PTK2: variants seen among roughly 807,000 people sequenced by gnomAD.
The protein encoded by PTK2 is focal adhesion kinase 1.
In PTK2, 45 loss-of-function variants were observed where a neutral mutation model predicts 150.1. The ratio of observed to expected loss-of-function variants is 0.30; its 90% CI spans 0.24 to 0.38. The LOEUF (loss-of-function observed/expected upper bound fraction) is 0.38, where lower values mean the gene tolerates loss of function less well. Ranked by LOEUF, PTK2 falls within the 10% of genes least tolerant of loss-of-function variation. The pLI, the probability that PTK2 is intolerant of heterozygous loss-of-function variation, is 1.00. For missense variants in PTK2, 919 were observed against 1,307.3 expected (o/e 0.70, Z 4.58); for synonymous variants, 432 against 449.2 (o/e 0.96, Z 0.48).
At position 140,791,525 on chromosome 8, in the gene PTK2, A is replaced by G. The variant is rs553719226; in HGVS notation, c.1124+1829T>C. 6.6e-5 allele frequency among the ~76,000 whole-genome samples: 10 copies of G among 152,342 alleles called. No homozygotes were observed. The South Asian group carries it at 1.2e-3, about 19-fold the overall frequency. ...CAGACCTTGCCTGTGTGAGGCCCAC[A>G]GTACTGCATATGACCCTGGCTGTCA... On this transcript the variant is annotated intron_variant, in intron 13 of 31. Transcript: ENST00000522684.
chr8:140,920,124 T>C (rs1377062697), intron 2 of PTK2, among the ~76,000 whole-genome samples: 1 of 151,170 alleles, frequency 6.6e-6, no homozygotes, highest in Non-Finnish European at 1.5e-5. Flanking sequence ...TTTATTATAT[T>C]CTTCATTAAG....
chr8:140,889,988 C>T (rs912533848), intron 3 of PTK2, among the ~76,000 whole-genome samples: 8 of 152,170 alleles, frequency 5.3e-5, no homozygotes, highest in African/African-American at 1.9e-4. Flanking sequence ...ACAACAACCT[C>T]CCGTGAAGCA....
chr8:140,735,265 A>G (rs962817738), exon 22 of PTK2: 14 of 1,613,846 alleles, frequency 8.7e-6, no homozygotes, highest in Admixed American at 5.0e-5. Context: ...GCTGAGCTTT[A>G]AGTTCAGTAA....
intron 8 of PTK2, among the ~76,000 whole-genome samples, chr8:140,828,863 G>A (rs1020570819): frequency 1.3e-5 from 2 of 152,064 alleles, no homozygotes; most frequent in Non-Finnish European, 2.9e-5. Context: ...TAACTCTCTC[G>A]AAGGACACAA....
rs545822511 is a variant in PTK2 at position 140,850,440 on chromosome 8, G to A, written c.451-3762C>T. Among the ~76,000 whole-genome samples, 40 of 144,494 alleles carry A rather than the reference G, an allele frequency of 2.8e-4. No individual in the cohort carries two copies. The South Asian group carries it at 8.5e-3, about 31-fold the overall frequency. 94.8% of individuals were successfully genotyped at this position (144,494 alleles called of 152,430 possible). Reference sequence around the variant, plus strand: ...AGACTTCGTCTCAAAAAAAAACTACGACGGGCCAGGCGCGGTGGCTTATGT... The same window carrying A: ...AGACTTCGTCTCAAAAAAAAACTACAACGGGCCAGGCGCGGTGGCTTATGT... On this transcript the variant is annotated intron_variant, in intron 5 of 31. Coordinates refer to ENST00000522684, the Ensembl canonical transcript of PTK2.
chr8:140,831,153 CAA>C (rs1316389262), intron 7 of PTK2, among the ~76,000 whole-genome samples: 4 of 152,126 alleles, frequency 2.6e-5, no homozygotes, highest in Non-Finnish European at 5.9e-5. Context: ...AGTCAGGCAA[CAA>C]AATTAAATTG....
chr8:140,769,170 T>C (rs1184815369), intron 14 of PTK2, among the ~76,000 whole-genome samples: 1 of 152,220 alleles, frequency 6.6e-6, no homozygotes, highest in African/African-American at 2.4e-5. Context: ...TAAAATCATT[T>C]TTCATTCTTT....
At chr8:140,789,703 A>T (rs1435675958) in intron 13 of PTK2, among the ~76,000 whole-genome samples, 177 bp from the exon 14 acceptor site, 1 of 152,246 alleles carries the variant, frequency 6.6e-6, no homozygotes. Flanking sequence ...TTTAAAGATC[A>T]CAAATTAAAA....
At position 140,875,465 on chromosome 8, in the gene PTK2, C is replaced by T. The variant is rs892823870; in HGVS notation, c.362+4006G>A. 4.6e-5 allele frequency among the ~76,000 whole-genome samples: 7 copies of T among 152,110 alleles called. No homozygotes were observed. The South Asian group carries it at 8.3e-4, about 18-fold the overall frequency. On this transcript the variant is annotated intron_variant, in intron 4 of 31. Coordinates refer to ENST00000522684, the Ensembl canonical transcript of PTK2. Reference sequence around the variant, plus strand: ...ACTGAAATCAAAAGGACTGATGTCACCAGAGTGGAGGAGGAAGAGGAAGAG... The same window carrying T: ...ACTGAAATCAAAAGGACTGATGTCATCAGAGTGGAGGAGGAAGAGGAAGAG...
intron 1 of PTK2, among the ~76,000 whole-genome samples, chr8:140,966,797 A>C (rs750929071): frequency 6.6e-5 from 10 of 152,230 alleles, no homozygotes; most frequent in Non-Finnish European, 1.5e-5. Flanking sequence ...GTGTATTTTA[A>C]GATAGGTATA....
chr8:140,966,319 C>T (rs374664668), intron 1 of PTK2, among the ~76,000 whole-genome samples: 5 of 152,172 alleles, frequency 3.3e-5, no homozygotes, highest in East Asian at 1.9e-4. Flanking sequence ...AGTACCTCAG[C>T]CACATTCTGA....
intron 1 of PTK2, among the ~76,000 whole-genome samples, chr8:140,973,661 CTAAGT>C (rs1327224668): frequency 2.6e-5 from 4 of 152,202 alleles, no homozygotes; most frequent in South Asian, 2.1e-4. Flanking sequence ...TGCACTTAAA[CTAAGT>C]TATTTCTGCT....
intron 20 of PTK2, among the ~76,000 whole-genome samples, chr8:140,740,474 T>C (rs2100055043): frequency 6.6e-6 from 1 of 152,216 alleles, no homozygotes; most frequent in Non-Finnish European, 1.5e-5. Context: ...AAGCAATGAG[T>C]TGCCTCTGAA....
intron 27 of PTK2, among the ~76,000 whole-genome samples, chr8:140,677,145 T>C (rs2100014398): frequency 6.6e-6 from 1 of 152,116 alleles, no homozygotes; most frequent in Non-Finnish European, 1.5e-5. Context: ...GGGTTTAAAA[T>C]CCCAGGACTT....
intron 4 of PTK2, among the ~76,000 whole-genome samples, chr8:140,866,384 T>A (rs1454290579): frequency 6.6e-6 from 1 of 152,220 alleles, no homozygotes; most frequent in African/African-American, 2.4e-5. Context: ...CTGGTGATCA[T>A]CAACTAACAT....
intron 3 of PTK2, among the ~76,000 whole-genome samples, chr8:140,883,457 G>A (rs1192377899): frequency 6.6e-6 from 1 of 152,192 alleles, no homozygotes; most frequent in Non-Finnish European, 1.5e-5. Context: ...AACACACATT[G>A]TTGACACTGT....
chr8:140,863,241 A>G (rs1033287151), intron 5 of PTK2, among the ~76,000 whole-genome samples: 13 of 151,972 alleles, frequency 8.6e-5, no homozygotes, highest in Non-Finnish European at 4.4e-5. Context: ...CATCCACTAA[A>G]TTTGCTTATT....
In PTK2 at chr8:140,668,313, T is replaced by A; in HGVS notation, c.2821A>T (p.Lys941Ter). The change falls in exon 30 of 32, where the codon AAA (lysine) becomes TAA (stop). Residue 941 changes from lysine to a stop codon, truncating the protein, a stop_gained. Transcript: ENST00000522684. LOFTEE classifies it high-confidence loss of function. ...TCCTCTGGTGGGGCTGGCTGGATTT[T>A]ACTGGACATCTCGATGACAGCTTTC... is the stretch of plus-strand genomic sequence containing the variant. 6.2e-7 allele frequency: 1 copy of A among 1,614,172 alleles called. No homozygotes were observed. Among genetic ancestry groups the A allele is most frequent in the Non-Finnish European group, 8.5e-7 (1 of 1,180,038 alleles).
chr8:140,766,573 T>C (rs919794032), intron 14 of PTK2, among the ~76,000 whole-genome samples: 9 of 152,258 alleles, frequency 5.9e-5, no homozygotes, highest in African/African-American at 2.2e-4. Context: ...AACCTTCACG[T>C]ATCTTGCTCA....
Sources: gnomAD v4.1 joint callset for allele counts (sites outside exome capture counted in the v4.1 genomes callset) on GRCh38, gnomAD v4.1.1 for gene constraint, MANE v1.5 for transcripts, NCBI Gene and HGNC (gene_info 2026-07-23, HGNC 2026-07-21) for gene names.